Variants in ABLIM2 observed in about 807,000 individuals in gnomAD.
ABLIM2 encodes the protein actin-binding LIM protein 2.
A neutral mutation model predicts 97.7 loss-of-function variants in ABLIM2; 53 were observed. That is an observed-to-expected ratio of 0.54 (90% CI 0.44 to 0.68). ABLIM2 has a LOEUF of 0.68. Among genes scored for constraint, ABLIM2 ranks in the 30% least tolerant of loss-of-function variants. The probability of loss-of-function intolerance (pLI) is 0.00; values close to 1 mark genes in which losing one functional copy is unlikely to be tolerated. For synonymous variants in ABLIM2, 361 were observed against 345.8 expected (o/e 1.04, Z -0.49); for missense variants, 835 against 867.2 (o/e 0.96, Z 0.47).
At position 7,996,018 on chromosome 4, in the gene ABLIM2, A is replaced by G. The variant is rs1753066326; in HGVS notation, c.1619-3091T>C. Among the ~76,000 whole-genome samples the G allele has an allele frequency of 6.6e-6, 1 of 152,148 alleles. No individual in the cohort carries two copies. Among genetic ancestry groups the G allele is most frequent in the South Asian group, 2.1e-4 (1 of 4,822 alleles). The stretch of plus-strand genomic sequence containing the variant: ...CTGCCTTGCAGTCCTGGGGTCCTCC[A>G]GGAGACACCTTCCTCCTCCTTCATG... On this transcript the variant is annotated intron_variant, in intron 16 of 20. Transcript: ENST00000447017. The surrounding 1 kb of genome is among the most constrained non-coding windows in gnomAD (Gnocchi z 4.5).
At chr4:8,049,123 G>A (rs777990042) in intron 8 of ABLIM2, among the ~76,000 whole-genome samples, 4 of 152,066 alleles carry the variant, frequency 2.6e-5, no homozygotes, top group Non-Finnish European at 4.4e-5. Flanking sequence ...CCTGCACATC[G>A]GAGGCTGCCC....
intron 8 of ABLIM2, among the ~76,000 whole-genome samples, chr4:8,052,458 G>A (rs571510567): frequency 6.6e-6 from 1 of 152,246 alleles, no homozygotes; most frequent in Admixed American, 6.5e-5. Flanking sequence ...AATTCACAAT[G>A]TGCCAGCTAG....
chr4:8,152,849 G>C (rs1044586686), intron 1 of ABLIM2, among the ~76,000 whole-genome samples: 11 of 152,216 alleles, frequency 7.2e-5, no homozygotes, highest in Admixed American at 6.5e-4. Context: ...AGACTCTGGG[G>C]AGGGGCAGCA....
At chr4:8,081,966 T>A (rs1011595998) in intron 4 of ABLIM2, among the ~76,000 whole-genome samples, 1 of 152,136 alleles carries the variant, frequency 6.6e-6, no homozygotes, top group African/African-American at 2.4e-5. Context: ...TCTACGTATG[T>A]GTTTGTGTCT....
chr4:8,104,991 G>A (rs774799292), intron 2 of ABLIM2, among the ~76,000 whole-genome samples: 1 of 152,154 alleles, frequency 6.6e-6, no homozygotes, highest in Non-Finnish European at 1.5e-5. Context: ...CCCTCAAGGC[G>A]CCTCCACAGA....
In ABLIM2 at chr4:8,054,113, G is replaced by C; in HGVS notation, c.822+75C>G. 6.6e-7 allele frequency: 1 copy of C among 1,524,514 alleles called. No homozygotes were observed. The highest frequency in any genetic ancestry group is 9.1e-7 in the Non-Finnish European group (1 of 1,099,622). The allele number at this position is 1,524,514 out of a possible 1,614,324, so 94.4% of individuals were successfully genotyped here. ...ACAATGAGCCTGTAGAATCTGGTCA[G>C]TGTCCTCTTAACTGTACAAAGATGG... is the stretch of plus-strand genomic sequence containing the variant. On this transcript the variant is annotated intron_variant, in intron 8 of 20. Transcript: ENST00000447017. The surrounding 1 kb of genome is among the most constrained non-coding windows in gnomAD (Gnocchi z 4.9).
chr4:8,103,166 G>T (rs972148499), intron 2 of ABLIM2, among the ~76,000 whole-genome samples: 1 of 152,044 alleles, frequency 6.6e-6, no homozygotes, highest in African/African-American at 2.4e-5. Context: ...CTGGGGTAGG[G>T]GTGTGGGGCT....
At chr4:8,097,941 C>G (rs1316348) in intron 2 of ABLIM2, among the ~76,000 whole-genome samples, 52,274 of 152,118 alleles carry the variant, frequency 0.34, 9,353 homozygotes, top group African/African-American at 0.44. Context: ...AACACACACC[C>G]GGCCCAGGAA....
intron 17 of ABLIM2, among the ~76,000 whole-genome samples, chr4:7,987,076 G>A (rs115807028): frequency 0.04 from 6,117 of 152,232 alleles, 235 homozygotes; most frequent in African/African-American, 0.1. Flanking sequence ...TCTGCTTCCT[G>A]GGCAATCCTC....
chr4:8,027,240 T>C (rs1326250058), intron 12 of ABLIM2, among the ~76,000 whole-genome samples: 1 of 152,162 alleles, frequency 6.6e-6, no homozygotes, highest in Non-Finnish European at 1.5e-5. Flanking sequence ...GTGACCAGCA[T>C]GTGGGTGCCC....
chr4:8,149,931 GC>G lies in ABLIM2; in HGVS notation c.10+8748del, dbSNP rs1376427359. ...TGAGTCCCCACTTGCCAGAGTGGTG[GC>G]CCCCATCCAAATGCCCCCTCCTGGC... On this transcript the variant is annotated intron_variant, in intron 1 of 20. Transcript: ENST00000447017. This position sits in a 1 kb window ranked among gnomAD's most constrained non-coding sequence, Gnocchi z 6.4. 6.6e-6 allele frequency among the ~76,000 whole-genome samples: 1 copy of G among 151,970 alleles called. No individual in the cohort carries two copies. The highest frequency in any genetic ancestry group is 1.5e-5 in the Non-Finnish European group (1 of 67,980).
At chr4:8,070,408 T>C (rs2152315890) in intron 6 of ABLIM2, among the ~76,000 whole-genome samples, 1 of 152,196 alleles carries the variant, frequency 6.6e-6, no homozygotes, top group African/African-American at 2.4e-5. Context: ...GCTTATTTTA[T>C]GATAAACAGG....
chr4:7,974,422 TCCACCCACCCTTCCAC>T (rs1429426715), intron 20 of ABLIM2, among the ~76,000 whole-genome samples: 2 of 74,200 alleles, frequency 2.7e-5, no homozygotes, highest in Admixed American at 1.2e-4. Context: ...CACCAATCCA[TCCACCCACCCTTCCAC>T]CCACCCACCC....
intron 6 of ABLIM2, among the ~76,000 whole-genome samples, chr4:8,070,674 G>A (rs992030610): frequency 6.6e-6 from 1 of 152,182 alleles, no homozygotes; most frequent in African/African-American, 2.4e-5. Context: ...CCCTGTGGCA[G>A]GGATCTGTCA....
At chr4:8,121,602 C>T (rs1192234449) in intron 1 of ABLIM2, among the ~76,000 whole-genome samples, 1 of 152,192 alleles carries the variant, frequency 6.6e-6, no homozygotes, top group African/African-American at 2.4e-5. Context: ...AGGCCAACAC[C>T]AAGGCTCGGG....
intron 2 of ABLIM2, among the ~76,000 whole-genome samples, chr4:8,097,983 G>C (rs1001088015): frequency 2.0e-5 from 3 of 152,176 alleles, no homozygotes; most frequent in Admixed American, 2.0e-4. Flanking sequence ...GGAGGGCTGA[G>C]GGATCTCTGC....
At chr4:8,007,096 C>A in intron 16 of ABLIM2, 13 of 985,466 alleles carry the variant, frequency 1.3e-5, no homozygotes, top group Non-Finnish European at 1.6e-5. Context: ...TTTCCTGTCA[C>A]ATTGAAACAC....
chr4:8,154,016 G>A (rs1714164778), intron 1 of ABLIM2, among the ~76,000 whole-genome samples: 1 of 147,542 alleles, frequency 6.8e-6, no homozygotes, highest in East Asian at 2.0e-4. Context: ...AGGCTGGAGT[G>A]CAGTGGCGTG....
rs6831678 is a variant in ABLIM2, at chr4:8,128,393, A to C, written c.11-21756T>G. Among the ~76,000 whole-genome samples, 1 of 152,232 alleles carries C rather than the reference A, an allele frequency of 6.6e-6. No individual in the cohort carries two copies. The highest frequency in any genetic ancestry group is 6.5e-5 in the Admixed American group (1 of 15,286). On this transcript the variant is annotated intron_variant, in intron 1 of 20. Transcript: ENST00000447017. This position sits in a 1 kb window ranked among gnomAD's most constrained non-coding sequence, Gnocchi z 4.9. ...GCGAATCAGAGTCCAGCACCCCGTC[A>C]TAGGATGCGTTGCACCTGCACACCC...
Sources: allele counts gnomAD v4.1 joint callset (sites outside exome capture counted in the v4.1 genomes callset), GRCh38; gene constraint gnomAD v4.1.1; non-coding constraint Gnocchi (gnomAD v3.1); transcripts MANE v1.5; gene names NCBI Gene and HGNC (gene_info 2026-07-23, HGNC 2026-07-21).